The following MTUS2 variants were observed in gnomAD, a reference collection of about 807,000 sequenced individuals.
MTUS2 encodes microtubule-associated tumor suppressor candidate 2.
MTUS2 carries 40 observed loss-of-function variants against 114.1 expected under a neutral mutation model. The ratio of observed to expected loss-of-function variants is 0.35; its 90% CI spans 0.27 to 0.46. MTUS2 has a LOEUF of 0.46. MTUS2 is among the 20% of genes least tolerant of loss of function. The probability of loss-of-function intolerance (pLI) is 1.00; values close to 1 mark genes in which losing one functional copy is unlikely to be tolerated. For missense variants in MTUS2, 1,679 were observed against 1,705.4 expected (o/e 0.98, Z 0.27); for synonymous variants, 688 against 672.0 (o/e 1.02, Z -0.37).
chr13:29,331,067 A>T (rs112766363), intron 7 of MTUS2, among the ~76,000 whole-genome samples: 11,463 of 152,212 alleles, frequency 0.075, 1,363 homozygotes, highest in African/African-American at 0.25. Flanking sequence ...TCTGTCCATG[A>T]GCATGGAATG....
At chr13:28,928,646 A>G (rs1216634267) in intron 2 of MTUS2, among the ~76,000 whole-genome samples, 2 of 152,210 alleles carry the variant, frequency 1.3e-5, no homozygotes, top group Non-Finnish European at 2.9e-5. Context: ...GAATGTAAGT[A>G]CGGCTACTAT....
chr13:29,002,740 A>G (rs1225798148), intron 2 of MTUS2, among the ~76,000 whole-genome samples: 1 of 152,222 alleles, frequency 6.6e-6, no homozygotes, highest in African/African-American at 2.4e-5. Flanking sequence ...CTGTGAAAAT[A>G]TTAGATTACT....
intron 2 of MTUS2, among the ~76,000 whole-genome samples, chr13:29,013,204 A>G (rs6490340): frequency 0.98 from 149,964 of 152,282 alleles, 73,885 homozygotes; most frequent in Middle Eastern, 1. Context: ...CTGTTAATGA[A>G]CACAAGCACA....
rs181693792 is a variant in MTUS2, at chr13:29,193,221, A to G, written c.2645-88483A>G. ...TTCTGACTATACTTCTTGTTTTCTT[A>G]TACAGTGAGATTGGAGTGCTGAACC... On this transcript the variant is annotated intron_variant, in intron 5 of 15. Coordinates refer to ENST00000612955, the MANE Select transcript of MTUS2 (RefSeq NM_001033602.4). 1.9e-3 allele frequency among the ~76,000 whole-genome samples: 282 copies of G among 152,158 alleles called. 2 individuals carry two copies. Among genetic ancestry groups the G allele is most frequent in the African/African-American group, 6.3e-3 (263 of 41,530 alleles).
chr13:28,923,790 C>T (rs542049733), intron 2 of MTUS2, among the ~76,000 whole-genome samples: 1 of 152,216 alleles, frequency 6.6e-6, no homozygotes, highest in African/African-American at 2.4e-5. Context: ...CCTGTGGGGT[C>T]CTAGAGCACC....
At chr13:29,489,114 G>C (rs1018687619) in intron 11 of MTUS2, among the ~76,000 whole-genome samples, 1 of 152,002 alleles carries the variant, frequency 6.6e-6, no homozygotes, top group Non-Finnish European at 1.5e-5. Flanking sequence ...GCAAAACCCC[G>C]TCTCTACCAA....
chr13:29,477,845 C>A (rs1043826979), intron 9 of MTUS2, among the ~76,000 whole-genome samples: 2 of 152,048 alleles, frequency 1.3e-5, no homozygotes, highest in African/African-American at 4.8e-5. Context: ...TTCTATACCA[C>A]AAAATTATTT....
intron 5 of MTUS2, among the ~76,000 whole-genome samples, chr13:29,168,221 T>C (rs2139106620): frequency 6.6e-6 from 1 of 152,344 alleles, no homozygotes; most frequent in South Asian, 2.1e-4. Context: ...CTGCTGACTT[T>C]TCAACACGTT....
intron 2 of MTUS2, among the ~76,000 whole-genome samples, chr13:28,972,256 A>C (rs908916199): frequency 3.9e-5 from 6 of 152,244 alleles, no homozygotes; most frequent in Non-Finnish European, 8.8e-5. Context: ...GCATCACAGC[A>C]GTCACAGGTA....
chr13:29,026,393 G>C lies in MTUS2; in HGVS notation c.1695G>C (p.Ala565=). 6.2e-7 allele frequency: 1 copy of C among 1,613,808 alleles called. No individual in the cohort carries two copies. The highest frequency in any genetic ancestry group is 8.5e-7 in the Non-Finnish European group (1 of 1,179,828). Residue 565 remains alanine, a synonymous_variant, in exon 3 of 16, where the codon GCG becomes GCC. Transcript: ENST00000612955. ...FQDVSVFGMD[A]GSPLVVPPPT... ...ATGTTAGCGTGTTCGGTATGGATGC[G>C]GGGTCCCCCTTGGTAGTTCCACCCC...
chr13:28,865,371 C>G (rs890489605), intron 2 of MTUS2, among the ~76,000 whole-genome samples: 2 of 152,090 alleles, frequency 1.3e-5, no homozygotes, highest in African/African-American at 2.4e-5. Flanking sequence ...GGTTCTAGCT[C>G]TTTCCCCAGT....
At chr13:28,883,277 A>C (rs1313812072) in intron 2 of MTUS2, among the ~76,000 whole-genome samples, 1 of 152,240 alleles carries the variant, frequency 6.6e-6, no homozygotes, top group Non-Finnish European at 1.5e-5. Flanking sequence ...CTAACTACAC[A>C]ACTCGGCAAT....
At chr13:29,055,000 G>C (rs1888066625) in intron 4 of MTUS2, among the ~76,000 whole-genome samples, 2 of 151,986 alleles carry the variant, frequency 1.3e-5, no homozygotes, top group South Asian at 4.1e-4. Context: ...CACAAGTATG[G>C]TCTGTGCTTA....
chr13:28,924,359 C>T (rs1189454896), intron 2 of MTUS2, among the ~76,000 whole-genome samples: 2 of 152,160 alleles, frequency 1.3e-5, no homozygotes, highest in African/African-American at 4.8e-5. Context: ...TGTTGCTGAG[C>T]TTTCATTACC....
intron 2 of MTUS2, among the ~76,000 whole-genome samples, chr13:29,009,742 GTTTTC>G (rs937363062): frequency 9.0e-6 from 1 of 111,150 alleles, no homozygotes; most frequent in Non-Finnish European, 2.0e-5. Flanking sequence ...GTTTTCTTAT[GTTTTC>G]TTTATTTTTT....
At chr13:29,059,712 G>C (rs1395909779) in intron 4 of MTUS2, among the ~76,000 whole-genome samples, 3 of 152,228 alleles carry the variant, frequency 2.0e-5, no homozygotes, top group Admixed American at 6.5e-5. Flanking sequence ...GGCTATGAGA[G>C]TTGGGGTCGG....
intron 2 of MTUS2, among the ~76,000 whole-genome samples, chr13:28,905,433 A>G (rs1346174218): frequency 1.3e-5 from 2 of 151,742 alleles, no homozygotes; most frequent in East Asian, 1.9e-4. Context: ...CATCCCATCA[A>G]TACCTCATTT....
intron 5 of MTUS2, among the ~76,000 whole-genome samples, chr13:29,211,695 A>G (rs1456803027): frequency 2.0e-5 from 3 of 151,974 alleles, no homozygotes; most frequent in Non-Finnish European, 4.4e-5. Context: ...TATAAGGTCA[A>G]ATCCTTCTCC....
chr13:28,975,895 G>T (rs2138272805), intron 2 of MTUS2, among the ~76,000 whole-genome samples: 1 of 152,178 alleles, frequency 6.6e-6, no homozygotes, highest in South Asian at 2.1e-4. Context: ...TTCCCTCTTG[G>T]AGCGTACAGT....
Sources: allele counts gnomAD v4.1 joint callset (sites outside exome capture counted in the v4.1 genomes callset), GRCh38; gene constraint gnomAD v4.1.1; transcripts MANE v1.5; gene names NCBI Gene and HGNC (gene_info 2026-07-23, HGNC 2026-07-21).